Variants in KCNK10 observed in about 807,000 individuals in gnomAD.
The protein encoded by KCNK10 is potassium channel subfamily K member 10.
KCNK10 carries 25 observed loss-of-function variants against 47.7 expected under a neutral mutation model. The ratio of observed to expected loss-of-function variants is 0.52; its 90% CI spans 0.38 to 0.73. KCNK10 has a LOEUF of 0.73. Among genes scored for constraint, KCNK10 ranks in the 30% least tolerant of loss-of-function variants. The pLI, the probability that KCNK10 is intolerant of heterozygous loss-of-function variation, is 0.00. For missense variants in KCNK10, 563 were observed against 714.5 expected, an observed-to-expected ratio of 0.79 and a Z score of 2.42; for synonymous variants, 303 against 285.6, an observed-to-expected ratio of 1.06 and a Z score of -0.61.
intron 1 of KCNK10, among the ~76,000 whole-genome samples, chr14:88,292,123 A>G (rs929332687): frequency 6.6e-6 from 1 of 152,348 alleles, no homozygotes; most frequent in African/African-American, 2.4e-5. Context: ...AGAAAGAACC[A>G]TAAGAAGCAC....
chr14:88,213,431 A>G (rs1885523420), intron 4 of KCNK10, among the ~76,000 whole-genome samples: 1 of 152,210 alleles, frequency 6.6e-6, no homozygotes, highest in African/African-American at 2.4e-5. Context: ...GAAATCATTC[A>G]CCTATTATGC....
chr14:88,197,499 G>A lies in KCNK10; in HGVS notation c.682-5089C>T, dbSNP rs1434145506. ...GAGGCAGGGAGAATCACTTGAACCCGGGAGGCAGAGGTTGCAGCGAGCCAA... is the reference window on the plus strand; with the variant it reads ...GAGGCAGGGAGAATCACTTGAACCCAGGAGGCAGAGGTTGCAGCGAGCCAA... On this transcript the variant is annotated intron_variant, in intron 4 of 6. Transcript: ENST00000319231. Among the ~76,000 whole-genome samples, 8 of 140,268 alleles carry A rather than the reference G, an allele frequency of 5.7e-5. No individual in the cohort carries two copies. In the East Asian group the frequency reaches 7.2e-4, roughly 13 times the overall value. The allele number at this position is 140,268 out of a possible 152,430, so 92.0% of individuals were successfully genotyped here. A position where few individuals can be genotyped will look rare whatever the true frequency, so the allele number is the denominator to read the frequency against.
At chr14:88,326,693 G>A (rs1182537483), upstream of KCNK10, 42 of 553,102 alleles carry the variant, frequency 7.6e-5, no homozygotes, top group East Asian at 1.3e-3. Context: ...TACCGGGCAC[G>A]GGTCTCTGCA....
chr14:88,233,647 A>C (rs1231345289), intron 3 of KCNK10, among the ~76,000 whole-genome samples: 5 of 152,186 alleles, frequency 3.3e-5, no homozygotes, highest in African/African-American at 9.7e-5. Context: ...CACACACACA[A>C]AAAAGGGCAA....
At chr14:88,216,101 G>C (rs1433616899) in intron 4 of KCNK10, among the ~76,000 whole-genome samples, 1 of 152,184 alleles carries the variant, frequency 6.6e-6, no homozygotes, top group Non-Finnish European at 1.5e-5. Flanking sequence ...GTACTCATCA[G>C]AGTCAAGTCT....
At chr14:88,222,108 G>A (rs371736402) in intron 4 of KCNK10, among the ~76,000 whole-genome samples, 7 of 152,162 alleles carry the variant, frequency 4.6e-5, no homozygotes, top group African/African-American at 1.4e-4. Flanking sequence ...GAGGTGAAAG[G>A]TATTTCTTAC....
chr14:88,181,186 G>A lies in KCNK10; in HGVS notation c.*4349C>T. ...CTTCATATTCTCACCAAATCCAGTG[G>A]GTAAAAACCAGCCCCACCCAAACTC... is the stretch of plus-strand genomic sequence containing the variant. On this transcript the variant is annotated 3_prime_UTR_variant, in exon 7 of 7. Transcript: ENST00000319231. 1 of 189,606 alleles carries A rather than the reference G, an allele frequency of 5.3e-6. No individual in the cohort carries two copies. Among genetic ancestry groups the A allele is most frequent in the Non-Finnish European group, 1.1e-5 (1 of 92,978 alleles). 11.7% of individuals were successfully genotyped at this position (189,606 alleles called of 1,614,324 possible).
At chr14:88,319,314 A>T (rs1444013877) in intron 1 of KCNK10, among the ~76,000 whole-genome samples, 1 of 151,830 alleles carries the variant, frequency 6.6e-6, no homozygotes, top group Non-Finnish European at 1.5e-5. Context: ...GAAAAACATT[A>T]TAATTACAAC....
intron 1 of KCNK10, among the ~76,000 whole-genome samples, chr14:88,299,457 G>A (rs1398016614): frequency 6.6e-6 from 1 of 152,062 alleles, no homozygotes; most frequent in East Asian, 1.9e-4. Flanking sequence ...CCATCACAAG[G>A]GCTTGCACAC....
intron 2 of KCNK10, among the ~76,000 whole-genome samples, chr14:88,245,914 T>C (rs943505878): frequency 2.6e-5 from 4 of 152,126 alleles, no homozygotes; most frequent in African/African-American, 9.7e-5. Context: ...TGTTTGTCTC[T>C]CGAGAAAGGA....
chr14:88,211,715 G>A (rs146905903), intron 4 of KCNK10, among the ~76,000 whole-genome samples: 10,090 of 151,776 alleles, frequency 0.066, 629 homozygotes, highest in East Asian at 0.24. Context: ...GGACAAAATG[G>A]TGAAACCCCG....
In KCNK10 at chr14:88,303,526, G is replaced by A. The variant is rs925564802; in HGVS notation, c.52+19221C>T. On this transcript the variant is annotated intron_variant, in intron 1 of 6. Coordinates refer to ENST00000319231, the MANE Select transcript of KCNK10 (RefSeq NM_138317.3). ...AATGAGGGGTGGCTGGCGGCAATGC[G>A]GGATCAAGGGGGATGACACGGAAGC... Among the ~76,000 whole-genome samples, 4 of 152,064 alleles carry A rather than the reference G, an allele frequency of 2.6e-5. No individual in the cohort carries two copies. The East Asian group carries it at 5.8e-4, about 22-fold the overall frequency.
At chr14:88,206,157 A>G (rs373216121) in intron 4 of KCNK10, among the ~76,000 whole-genome samples, 2 of 152,332 alleles carry the variant, frequency 1.3e-5, no homozygotes, top group South Asian at 4.1e-4. Flanking sequence ...GAAATTAAAT[A>G]TGTAAATTCT....
At chr14:88,208,626 T>A (rs765522857) in intron 4 of KCNK10, among the ~76,000 whole-genome samples, 79 of 152,358 alleles carry the variant, frequency 5.2e-4, no homozygotes, top group Middle Eastern at 6.8e-3. Flanking sequence ...ACTTGCTTTT[T>A]TTTTGTTAGC....
upstream of KCNK10, among the ~76,000 whole-genome samples, chr14:88,326,082 C>T (rs1363739429): frequency 6.7e-6 from 1 of 149,598 alleles, no homozygotes; most frequent in Non-Finnish European, 1.5e-5. Flanking sequence ...CACTGGATGC[C>T]GCCCCCTCCT....
At chr14:88,197,700 A>C (rs896736994) in intron 4 of KCNK10, among the ~76,000 whole-genome samples, 2 of 151,480 alleles carry the variant, frequency 1.3e-5, no homozygotes, top group African/African-American at 2.4e-5. Context: ...ATTTGAAGAT[A>C]ATACGCTATT....
chr14:88,189,423 G>A (rs1036083935), intron 5 of KCNK10, among the ~76,000 whole-genome samples: 3 of 152,150 alleles, frequency 2.0e-5, no homozygotes, highest in Non-Finnish European at 4.4e-5. Context: ...GGTTCATTTC[G>A]TTTCTGTGCT....
Position 88,234,776 on chromosome 14 carries a change from T to C in KCNK10, c.520+5927A>G, listed in dbSNP as rs572247078. Among the ~76,000 whole-genome samples the C allele has an allele frequency of 2.6e-5, 4 of 152,288 alleles. No individual in the cohort carries two copies. The South Asian group carries it at 8.3e-4, about 32-fold the overall frequency. Reference sequence around the variant, plus strand: ...TGCAGTGCTACTTCACAATTGTATGTGGGCAGAAAATCCTCAAACTCATTT... The same window carrying C: ...TGCAGTGCTACTTCACAATTGTATGCGGGCAGAAAATCCTCAAACTCATTT... On this transcript the variant is annotated intron_variant, in intron 3 of 6. Transcript: ENST00000319231.
chr14:88,204,501 G>GTCT (rs1885199152), intron 4 of KCNK10, among the ~76,000 whole-genome samples: 1 of 151,732 alleles, frequency 6.6e-6, no homozygotes, highest in South Asian at 2.1e-4. Context: ...GCCTCATGCT[G>GTCT]CCTCCTCCTC....
Sources: gnomAD v4.1 joint callset for allele counts (sites outside exome capture counted in the v4.1 genomes callset) on GRCh38, gnomAD v4.1.1 for gene constraint, MANE v1.5 for transcripts, NCBI Gene and HGNC (gene_info 2026-07-23, HGNC 2026-07-21) for gene names.